Variants in ANK1 observed in about 807,000 individuals in gnomAD.
The protein encoded by ANK1 is ankyrin-1.
ANK1 carries 51 observed loss-of-function variants against 210.4 expected under a neutral mutation model. The ratio of observed to expected loss-of-function variants is 0.24; its 90% CI spans 0.19 to 0.31. The LOEUF (loss-of-function observed/expected upper bound fraction) is 0.31. Ranked by LOEUF, ANK1 falls within the 10% of genes least tolerant of loss-of-function variation. The pLI, the probability that ANK1 is intolerant of heterozygous loss-of-function variation, is 1.00. For missense variants in ANK1, 2,051 were observed against 2,504.4 expected, an observed-to-expected ratio of 0.82 and a Z score of 3.86; for synonymous variants, 967 against 1,025.9, an observed-to-expected ratio of 0.94 and a Z score of 1.10.
At chr8:41,845,932 T>C (rs139419605) in intron 1 of ANK1, among the ~76,000 whole-genome samples, 183 of 152,340 alleles carry the variant, frequency 1.2e-3, no homozygotes, top group Admixed American at 4.7e-3. Flanking sequence ...CTTTCTTCCA[T>C]CTTTTTCCCC....
chr8:41,757,053 G>T (rs963244557), intron 2 of ANK1, among the ~76,000 whole-genome samples: 7 of 152,196 alleles, frequency 4.6e-5, no homozygotes, highest in Admixed American at 1.3e-4. Flanking sequence ...GAAATGGGGC[G>T]TTAGTGTTTA....
At chr8:41,733,625 C>T (rs534202502) in intron 3 of ANK1, among the ~76,000 whole-genome samples, 3 of 152,264 alleles carry the variant, frequency 2.0e-5, no homozygotes, top group East Asian at 3.9e-4. Flanking sequence ...GGTCACAGAG[C>T]GTGAAGTATG....
At chr8:41,676,235 C>A (rs539810815) in intron 37 of ANK1, among the ~76,000 whole-genome samples, 1 of 152,210 alleles carries the variant, frequency 6.6e-6, no homozygotes, top group Non-Finnish European at 1.5e-5. Flanking sequence ...TCCCCCATAT[C>A]CTCACCAACA....
chr8:41,725,829 G>A lies in ANK1; in HGVS notation c.544C>T (p.Arg182Cys). 1 of 1,612,010 alleles carries A rather than the reference G, an allele frequency of 6.2e-7. No homozygotes were observed. Among genetic ancestry groups the A allele is most frequent in the Non-Finnish European group, 8.5e-7 (1 of 1,179,652 alleles). Residue 182 changes from arginine to cysteine, a missense_variant, in exon 6 of 43, where the codon CGC (arginine) becomes TGC (cysteine). Arg to Cys is a radical substitution (Grantham distance 180, BLOSUM62 -3). Coordinates refer to ENST00000289734, the MANE Select transcript of ANK1 (RefSeq NM_000037.4). ...VRLPALHIAA[R>C]NDDTRTAAVL... ...GCAGCCGTGCGCGTGTCGTCGTTGC[G>A]GGCCGCGATGTGCAGGGCCGGGAGG...
intron 36 of ANK1, among the ~76,000 whole-genome samples, chr8:41,685,948 A>C (rs1315914973): frequency 6.6e-6 from 1 of 152,244 alleles, no homozygotes; most frequent in African/African-American, 2.4e-5. Context: ...GGATGTGAGA[A>C]AGGCTGAGGC....
At chr8:41,718,849 G>A (rs1177670534) in intron 10 of ANK1, among the ~76,000 whole-genome samples, 23 of 152,180 alleles carry the variant, frequency 1.5e-4, no homozygotes, top group Admixed American at 5.2e-4. Flanking sequence ...CAGGGACGCT[G>A]CTAAACATCC....
At chr8:41,760,124 A>G (rs1353822999) in intron 1 of ANK1, among the ~76,000 whole-genome samples, 1 of 152,194 alleles carries the variant, frequency 6.6e-6, no homozygotes, top group African/African-American at 2.4e-5. Flanking sequence ...TCCTTTAAAG[A>G]TGAGTGACAG....
intron 1 of ANK1, among the ~76,000 whole-genome samples, chr8:41,785,574 G>C (rs1222401061): frequency 6.6e-6 from 1 of 152,120 alleles, no homozygotes; most frequent in Non-Finnish European, 1.5e-5. Context: ...ATGCGCTCCT[G>C]CCTGCATGGT....
chr8:41,872,084 A>G (rs895412969), intron 1 of ANK1, among the ~76,000 whole-genome samples: 1 of 152,206 alleles, frequency 6.6e-6, no homozygotes, highest in African/African-American at 2.4e-5. Flanking sequence ...TTAATATTTC[A>G]GAAACAGACG....
intron 17 of ANK1, among the ~76,000 whole-genome samples, chr8:41,706,447 G>T (rs2150616920): frequency 6.6e-6 from 1 of 152,320 alleles, no homozygotes; most frequent in South Asian, 2.1e-4. Context: ...GGCAACTTTT[G>T]CTGTTAAGGG....
chr8:41,757,710 T>C (rs2150712387), intron 2 of ANK1, among the ~76,000 whole-genome samples: 1 of 152,316 alleles, frequency 6.6e-6, no homozygotes, highest in African/African-American at 2.4e-5. Flanking sequence ...CACAGCATCT[T>C]TCAAAGGCTC....
At chr8:41,687,657 G>A (rs557251237) in intron 35 of ANK1, among the ~76,000 whole-genome samples, 2 of 152,302 alleles carry the variant, frequency 1.3e-5, no homozygotes, top group South Asian at 2.1e-4. Context: ...CTGCAACCCC[G>A]TGTCTCCGTG....
intron 3 of ANK1, among the ~76,000 whole-genome samples, chr8:41,732,076 G>A (rs548928004): frequency 1.3e-5 from 2 of 152,316 alleles, no homozygotes; most frequent in African/African-American, 2.4e-5. Context: ...TCACATTCAG[G>A]AAATGACATG....
intron 3 of ANK1, among the ~76,000 whole-genome samples, chr8:41,730,859 G>A (rs1832023077): frequency 6.6e-6 from 1 of 152,230 alleles, no homozygotes; most frequent in Non-Finnish European, 1.5e-5. Context: ...GAAGGCCTGG[G>A]CCAGCATGGA....
chr8:41,886,336 T>C (rs1818436374), intron 1 of ANK1, among the ~76,000 whole-genome samples: 1 of 152,244 alleles, frequency 6.6e-6, no homozygotes, highest in South Asian at 2.1e-4. Flanking sequence ...CAGCCCTGCA[T>C]GGCTGTGGGG....
At chr8:41,753,437 C>A (rs1838287596) in intron 2 of ANK1, among the ~76,000 whole-genome samples, 1 of 152,100 alleles carries the variant, frequency 6.6e-6, no homozygotes, top group Admixed American at 6.6e-5. Flanking sequence ...CCCTTCCCCT[C>A]AGTCAGCAAC....
chr8:41,827,316 T>C (rs1315352313), intron 1 of ANK1, among the ~76,000 whole-genome samples: 1 of 152,224 alleles, frequency 6.6e-6, no homozygotes, highest in East Asian at 1.9e-4. Flanking sequence ...GCCTTTCCCC[T>C]TGCTGGTGTG....
chr8:41,884,704 G>A (rs1407846945), intron 1 of ANK1, among the ~76,000 whole-genome samples: 3 of 152,070 alleles, frequency 2.0e-5, no homozygotes, highest in African/African-American at 4.8e-5. Flanking sequence ...TTGGTGGTGC[G>A]TGTCTGTAGT....
chr8:41,720,309 T>C (rs1481604533), intron 9 of ANK1, among the ~76,000 whole-genome samples: 1 of 152,134 alleles, frequency 6.6e-6, no homozygotes, highest in Non-Finnish European at 1.5e-5. Flanking sequence ...GTAACACACA[T>C]CATGGTCCCT....
Sources: gnomAD v4.1 joint callset for allele counts (sites outside exome capture counted in the v4.1 genomes callset) on GRCh38, gnomAD v4.1.1 for gene constraint, MANE v1.5 for transcripts, NCBI Gene and HGNC (gene_info 2026-07-23, HGNC 2026-07-21) for gene names.